The following ZNF592 variants were observed in gnomAD, a reference collection of about 807,000 sequenced individuals.
ZNF592 encodes the protein zinc finger protein 592.
ZNF592 carries 11 observed loss-of-function variants against 80.3 expected under a neutral mutation model. The observed-to-expected ratio is 0.14, with a 90% confidence interval of 0.09 to 0.23. The LOEUF (loss-of-function observed/expected upper bound fraction) is 0.23. ZNF592 is among the 10% of genes least tolerant of loss of function. ZNF592 has a pLI of 1.00. For synonymous variants in ZNF592, 646 were observed against 640.3 expected (o/e 1.01, Z -0.13); for missense variants, 1,420 against 1,633.9 (o/e 0.87, Z 2.26).
At chr15:84,766,819 T>C (rs1260355968) in intron 2 of ZNF592, among the ~76,000 whole-genome samples, 1 of 151,464 alleles carries the variant, frequency 6.6e-6, no homozygotes, top group Non-Finnish European at 1.5e-5. Context: ...TAAACTCCTG[T>C]GGTGATCTAA....
chr15:84,793,728 C>T (rs995531924), intron 5 of ZNF592, among the ~76,000 whole-genome samples: 2 of 152,192 alleles, frequency 1.3e-5, no homozygotes, highest in Admixed American at 1.3e-4. Flanking sequence ...CGCTAATTTA[C>T]TTTCTGTCTC....
At position 84,799,772 on chromosome 15, in the gene ZNF592, T is replaced by G; in HGVS notation, c.3138-70T>G. 1.2e-6 allele frequency: 2 copies of G among 1,606,524 alleles called. No individual in the cohort carries two copies. Among genetic ancestry groups the G allele is most frequent in the South Asian group, 1.1e-5 (1 of 90,874 alleles). On this transcript the variant is annotated intron_variant, in intron 9 of 10. Transcript: ENST00000560079. This position sits in a 1 kb window ranked among gnomAD's most constrained non-coding sequence, Gnocchi z 4.2. ...GCTCCAGACTCCCTCCTTCCTGGCC[T>G]TGGTGTGAATAGCACTGAGGGAGCC...
chr15:84,799,918 A>G lies in ZNF592; in HGVS notation c.3214A>G (p.Arg1072Gly). 6.2e-7 allele frequency: 1 copy of G among 1,614,236 alleles called. No individual in the cohort carries two copies. The highest frequency in any genetic ancestry group is 8.5e-7 in the Non-Finnish European group (1 of 1,180,030). ...CCACATCAGCCTTATGCATGGCATC[A>G]GAAACCCTGATTTGAGCCAGACGTC... ...ESHISLMHGIRNPDLSQTSKV... is the reference protein window; with the variant it reads ...ESHISLMHGIGNPDLSQTSKV... Residue 1072 changes from arginine (R) to glycine (G), a missense_variant, in exon 10 of 11, where the codon AGA becomes GGA. By Grantham distance (125) the Arg-to-Gly change is moderately radical. Coordinates refer to ENST00000560079, the MANE Select transcript of ZNF592 (RefSeq NM_014630.3). The surrounding 1 kb of genome is among the most constrained non-coding windows in gnomAD (Gnocchi z 4.2).
At chr15:84,772,713 C>T (rs1022628637) in intron 2 of ZNF592, among the ~76,000 whole-genome samples, 2 of 152,178 alleles carry the variant, frequency 1.3e-5, no homozygotes, top group African/African-American at 2.4e-5. Context: ...CCTAATACAA[C>T]GAACAATGGC....
At chr15:84,778,545 G>C (rs1773880119) in intron 3 of ZNF592, among the ~76,000 whole-genome samples, 1 of 152,164 alleles carries the variant, frequency 6.6e-6, no homozygotes, top group African/African-American at 2.4e-5. Context: ...GAATCTCCAT[G>C]TTTGGGTGGA....
At chr15:84,766,876 C>G (rs2141970096) in intron 2 of ZNF592, among the ~76,000 whole-genome samples, 1 of 152,194 alleles carries the variant, frequency 6.6e-6, no homozygotes, top group African/African-American at 2.4e-5. Context: ...CTCCTCGTGT[C>G]CCTCCAGACC....
At chr15:84,765,344 T>G (rs1381683564) in intron 2 of ZNF592, among the ~76,000 whole-genome samples, 4 of 152,190 alleles carry the variant, frequency 2.6e-5, no homozygotes, top group African/African-American at 4.8e-5. Context: ...TACAAGTATC[T>G]TGTGTCCTCC....
At chr15:84,786,866 T>TTTG (rs1962600849) in intron 4 of ZNF592, among the ~76,000 whole-genome samples, 1 of 147,226 alleles carries the variant, frequency 6.8e-6, no homozygotes. Flanking sequence ...TTTTTTTTTT[T>TTTG]GTGAGACGGA....
At chr15:84,789,118 C>T (rs1034058343) in intron 4 of ZNF592, among the ~76,000 whole-genome samples, 1 of 151,350 alleles carries the variant, frequency 6.6e-6, no homozygotes, top group African/African-American at 2.4e-5. Context: ...GGTAGTGGTG[C>T]GTGCCTATAA....
chr15:84,768,113 A>C (rs920161261), intron 2 of ZNF592, among the ~76,000 whole-genome samples: 3 of 148,444 alleles, frequency 2.0e-5, no homozygotes, highest in African/African-American at 7.4e-5. Flanking sequence ...GCTGGTATTG[A>C]ACTCCTGGCC....
At chr15:84,790,453 A>G (rs938362321) in intron 4 of ZNF592, among the ~76,000 whole-genome samples, 4 of 152,168 alleles carry the variant, frequency 2.6e-5, no homozygotes, top group Non-Finnish European at 5.9e-5. Context: ...CCTGGGGCGG[A>G]ACTGGTCTTT....
chr15:84,789,974 T>C (rs1962695653), intron 4 of ZNF592, among the ~76,000 whole-genome samples: 2 of 152,208 alleles, frequency 1.3e-5, no homozygotes, highest in Admixed American at 6.5e-5. Flanking sequence ...GTTGTAGTAC[T>C]TGTACTTCCC....
chr15:84,795,356 CAT>C (rs1379938221), intron 5 of ZNF592, among the ~76,000 whole-genome samples: 1 of 152,202 alleles, frequency 6.6e-6, no homozygotes, highest in Non-Finnish European at 1.5e-5. Context: ...AGTGCGGTGT[CAT>C]ATGGTTGGCA....
chr15:84,756,951 A>G (rs1219947897), intron 1 of ZNF592, among the ~76,000 whole-genome samples: 1 of 151,980 alleles, frequency 6.6e-6, no homozygotes, highest in African/African-American at 2.4e-5. Flanking sequence ...GTCTCTACTA[A>G]AAATACAATA....
intron 4 of ZNF592, among the ~76,000 whole-genome samples, chr15:84,786,752 T>C (rs559089111): frequency 3.9e-5 from 6 of 152,202 alleles, no homozygotes; most frequent in South Asian, 2.1e-4. Flanking sequence ...AGGTTTACTT[T>C]ATCTGAGTCA....
chr15:84,802,432 G>A lies in ZNF592; in HGVS notation c.*39G>A, dbSNP rs760104070. The A allele has an allele frequency of 1.4e-4, 224 of 1,608,634 alleles. No individual in the cohort carries two copies. Among genetic ancestry groups the A allele is most frequent in the Middle Eastern group, 3.3e-4 (2 of 6,020 alleles). On this transcript the variant is annotated 3_prime_UTR_variant, in exon 11 of 11. Coordinates refer to ENST00000560079, the MANE Select transcript of ZNF592 (RefSeq NM_014630.3). ...AGTGTGCATGGTCAGGGGTGGTGCC[G>A]AAGTGTCTTCCACCTGCCCTGCGGA...
At chr15:84,775,386 G>A (rs557866498) in intron 2 of ZNF592, among the ~76,000 whole-genome samples, 6 of 151,772 alleles carry the variant, frequency 4.0e-5, no homozygotes, top group South Asian at 4.2e-4. Context: ...ATGAGCCACC[G>A]CATCCAGCTA....
intron 1 of ZNF592, among the ~76,000 whole-genome samples, chr15:84,757,276 G>A (rs771503497): frequency 2.1e-4 from 32 of 151,766 alleles, no homozygotes; most frequent in Non-Finnish European, 4.1e-4. Flanking sequence ...CAAGTATCTG[G>A]GACTACAGGT....
At position 84,790,893 on chromosome 15, in the gene ZNF592, G is replaced by A. The variant is rs1316222653; in HGVS notation, c.2399+10G>A. 1 of 1,614,184 alleles carries A rather than the reference G, an allele frequency of 6.2e-7. No homozygotes were observed. The highest frequency in any genetic ancestry group is 1.7e-5 in the Admixed American group (1 of 60,024). ...GCAAGGTGGGCTACAGGTGGGTGCT[G>A]CCTGGCTTGCTGTCCTGGTATTGCC... On this transcript the variant is annotated intron_variant, in intron 5 of 10. Transcript: ENST00000560079.
Sources: allele counts gnomAD v4.1 joint callset (sites outside exome capture counted in the v4.1 genomes callset), GRCh38; gene constraint gnomAD v4.1.1; non-coding constraint Gnocchi (gnomAD v3.1); transcripts MANE v1.5; gene names NCBI Gene and HGNC (gene_info 2026-07-23, HGNC 2026-07-21).